PCDHGA7: variants seen among roughly 807,000 people sequenced by gnomAD.
The protein encoded by PCDHGA7 is protocadherin gamma subfamily A, 7.
PCDHGA7 carries 44 observed loss-of-function variants against 58.3 expected under a neutral mutation model. The observed-to-expected ratio is 0.75, with a 90% CI of 0.59 to 0.97. The LOEUF (loss-of-function observed/expected upper bound fraction) is 0.97. Ranked by LOEUF, PCDHGA7 falls within the 50% of genes least tolerant of loss-of-function variation. The pLI, the probability that PCDHGA7 is intolerant of heterozygous loss-of-function variation, is 0.00. For missense variants in PCDHGA7, 1,266 were observed against 1,188.7 expected, an observed-to-expected ratio of 1.06 and a Z score of -0.96; for synonymous variants, 516 against 504.2, an observed-to-expected ratio of 1.02 and a Z score of -0.31.
chr5:141,400,254 G>T, intron 1 of PCDHGA7: 1 of 1,613,980 alleles, frequency 6.2e-7, no homozygotes, highest in Non-Finnish European at 8.5e-7. Flanking sequence ...CCGTTGCCTT[G>T]CGCCTGCGAC....
rs1380943019 is a variant in PCDHGA7 at position 141,389,411 on chromosome 5, C to T, written c.2424+4088C>T. ...CCTACGTGTCCATAAGCGCGGAGAG[C>T]GGGGTGGTGTTCGCGCAGCGCGCCT... is the stretch of plus-strand genomic sequence containing the variant. On this transcript the variant is annotated intron_variant, in intron 1 of 3. Coordinates refer to ENST00000518325, the MANE Select transcript of PCDHGA7 (RefSeq NM_018920.4). 8 of 1,613,450 alleles carry T rather than the reference C, an allele frequency of 5.0e-6. No homozygotes were observed. The East Asian group carries it at 6.7e-5, about 13-fold the overall frequency.
intron 1 of PCDHGA7, chr5:141,417,622 G>T (rs1036510827): frequency 1.5e-6 from 1 of 668,534 alleles, no homozygotes; most frequent in Non-Finnish European, 2.4e-6. Flanking sequence ...TGCAGAGCAA[G>T]CGCTGACGCC....
At chr5:141,397,920 T>C (rs2093586320) in intron 1 of PCDHGA7, 1 of 726,984 alleles carries the variant, frequency 1.4e-6, no homozygotes, top group Non-Finnish European at 2.2e-6. Context: ...CCAGATCTCC[T>C]CGCGCAGCCG....
intron 1 of PCDHGA7, among the ~76,000 whole-genome samples, chr5:141,474,463 T>C (rs1447737626): frequency 6.6e-6 from 1 of 152,228 alleles, no homozygotes; most frequent in Admixed American, 6.5e-5. Flanking sequence ...GCTATACTCT[T>C]TATTCTAAAT....
rs992096722 is a variant in PCDHGA7, at chr5:141,413,506, A to G, written c.2424+28183A>G. 3 of 1,613,910 alleles carry G rather than the reference A, an allele frequency of 1.9e-6. No individual in the cohort carries two copies. The highest frequency in any genetic ancestry group is 2.7e-5 in the African/African-American group (2 of 74,954). On this transcript the variant is annotated intron_variant, in intron 1 of 3. Coordinates refer to ENST00000518325, the MANE Select transcript of PCDHGA7 (RefSeq NM_018920.4). ...GAGCGCGCGGTGCGTGGTGAGTTTT[A>G]ATATCCTTGTGGAAGACAGGGTGAA... is the stretch of plus-strand genomic sequence containing the variant.
At position 141,404,057 on chromosome 5, in the gene PCDHGA7, T is replaced by G. The variant is rs558471539; in HGVS notation, c.2424+18734T>G. ...ACCTCAGGGAACAGTAATTCTTCTT[T>G]TCAATGCTCATGACCGAGACTCCGG... On this transcript the variant is annotated intron_variant, in intron 1 of 3. Coordinates refer to ENST00000518325, the MANE Select transcript of PCDHGA7 (RefSeq NM_018920.4). 9.5e-5 allele frequency: 154 copies of G among 1,613,894 alleles called. No individual in the cohort carries two copies. The East Asian group carries it at 3.4e-3, about 36-fold the overall frequency.
chr5:141,494,746 C>A lies in PCDHGA7; in HGVS notation c.2425-61C>A. 3 of 1,613,088 alleles carry A rather than the reference C, an allele frequency of 1.9e-6. No individual in the cohort carries two copies. The South Asian group carries it at 3.3e-5, about 18-fold the overall frequency. On this transcript the variant is annotated intron_variant, in intron 1 of 3. Coordinates refer to ENST00000518325, the MANE Select transcript of PCDHGA7 (RefSeq NM_018920.4). ...TTCTCTCCCGGCCCATCCCTAGGGG[C>A]TCGGGTGACATTCTAACTTCTCACG...
intron 1 of PCDHGA7, chr5:141,392,860 T>G (rs726684): frequency 0.19 from 299,729 of 1,611,996 alleles, 30,027 homozygotes; most frequent in Admixed American, 0.35. Context: ...CTGATCCTGC[T>G]GTGCGCGCTG....
chr5:141,392,942 C>T, intron 1 of PCDHGA7: 2 of 1,613,954 alleles, frequency 1.2e-6, no homozygotes, highest in Non-Finnish European at 1.7e-6. Context: ...ACAAAGGCTC[C>T]TTCGTGGGTA....
At chr5:141,418,794 TAGAA>T in intron 1 of PCDHGA7, 1 of 1,613,706 alleles carries the variant, frequency 6.2e-7, no homozygotes, top group South Asian at 1.1e-5. Flanking sequence ...TTTGAAGAAG[TAGAA>T]AGATATACGA....
Position 141,476,023 on chromosome 5 carries a change from G to A in PCDHGA7, c.2425-18784G>A. 1 of 1,415,690 alleles carries A rather than the reference G, an allele frequency of 7.1e-7. No homozygotes were observed. The highest frequency in any genetic ancestry group is 2.3e-5 in the Admixed American group (1 of 43,980). 87.7% of individuals were successfully genotyped at this position (1,415,690 alleles called of 1,614,324 possible). A position where few individuals can be genotyped will look rare whatever the true frequency, so the allele number is the denominator to read the frequency against. ...CATCCAGAAAGCCATGTCGGACTCG[G>A]CGCCCAGCGCCCAAGCGCTAACCCG... On this transcript the variant is annotated intron_variant, in intron 1 of 3. Coordinates refer to ENST00000518325, the MANE Select transcript of PCDHGA7 (RefSeq NM_018920.4). This position sits in a 1 kb window ranked among gnomAD's most constrained non-coding sequence, Gnocchi z 7.6.
intron 1 of PCDHGA7, among the ~76,000 whole-genome samples, chr5:141,445,447 A>G (rs974383838): frequency 3.4e-4 from 51 of 152,222 alleles, no homozygotes; most frequent in Admixed American, 1.3e-3. Flanking sequence ...TGGACTAAGG[A>G]TGCAGCAATG....
chr5:141,501,323 A>G (rs2099807887), intron 2 of PCDHGA7, among the ~76,000 whole-genome samples: 1 of 151,850 alleles, frequency 6.6e-6, no homozygotes, highest in East Asian at 1.9e-4. Flanking sequence ...ACACACACAC[A>G]CACACACACA....
At chr5:141,418,479 C>G (rs375821205) in intron 1 of PCDHGA7, 3 of 1,614,010 alleles carry the variant, frequency 1.9e-6, no homozygotes, top group Non-Finnish European at 1.7e-6. Context: ...ACGCAGAGCG[C>G]TCACCACTTG....
At chr5:141,428,022 G>A (rs1439933482) in intron 1 of PCDHGA7, 11 of 1,605,558 alleles carry the variant, frequency 6.9e-6, no homozygotes, top group South Asian at 1.1e-5. Context: ...GCCACGCGCC[G>A]CAGAGTCCGG....
chr5:141,426,307 A>G (rs958090236), intron 1 of PCDHGA7: 2 of 172,782 alleles, frequency 1.2e-5, no homozygotes, highest in African/African-American at 4.7e-5. Context: ...GGTGAAGCAG[A>G]GAAGCAGGAC....
In PCDHGA7 at chr5:141,476,012, T is replaced by C. The variant is rs2099383969; in HGVS notation, c.2425-18795T>C. The stretch of plus-strand genomic sequence containing the variant: ...CAAATCAACGGCATCCAGAAAGCCA[T>C]GTCGGACTCGGCGCCCAGCGCCCAA... On this transcript the variant is annotated intron_variant, in intron 1 of 3. Coordinates refer to ENST00000518325, the MANE Select transcript of PCDHGA7 (RefSeq NM_018920.4). This position sits in a 1 kb window ranked among gnomAD's most constrained non-coding sequence, Gnocchi z 7.6. 7.6e-7 allele frequency: 1 copy of C among 1,317,178 alleles called. No individual in the cohort carries two copies. The highest frequency in any genetic ancestry group is 1.4e-5 in the South Asian group (1 of 69,696). The allele number at this position is 1,317,178 out of a possible 1,614,324, so 81.6% of individuals were successfully genotyped here. A position where few individuals can be genotyped will look rare whatever the true frequency, so the allele number is the denominator to read the frequency against.
At chr5:141,392,242 G>T (rs1294476832) in intron 1 of PCDHGA7, 1 of 152,134 alleles carries the variant, frequency 6.6e-6, no homozygotes, top group Non-Finnish European at 1.5e-5. Context: ...TTAGTTATTT[G>T]TTAGTATATA....
In PCDHGA7 at chr5:141,432,249, A is replaced by G; in HGVS notation, c.2424+46926A>G. The G allele has an allele frequency of 6.2e-7, 1 of 1,614,206 alleles. No individual in the cohort carries two copies. Among genetic ancestry groups the G allele is most frequent in the Non-Finnish European group, 8.5e-7 (1 of 1,180,044 alleles). On this transcript the variant is annotated intron_variant, in intron 1 of 3. Coordinates refer to ENST00000518325, the MANE Select transcript of PCDHGA7 (RefSeq NM_018920.4). The surrounding 1 kb of genome is among the most constrained non-coding windows in gnomAD (Gnocchi z 6.0). ...TATTCCCTGGCTGAGAACACCATCC[A>G]AGGGGCAAGCCTATCGTCCTACGTG...
Sources: allele counts gnomAD v4.1 joint callset (sites outside exome capture counted in the v4.1 genomes callset), GRCh38; gene constraint gnomAD v4.1.1; non-coding constraint Gnocchi (gnomAD v3.1); transcripts MANE v1.5; gene names NCBI Gene and HGNC (gene_info 2026-07-23, HGNC 2026-07-21).